Variants in FMO5 observed in about 807,000 individuals in gnomAD.
FMO5 encodes the protein flavin-containing monooxygenase 5.
In FMO5, 51 loss-of-function variants were observed where a neutral mutation model predicts 43.6. That is an observed-to-expected ratio of 1.17 (90% CI 0.93 to 1.48). The LOEUF (loss-of-function observed/expected upper bound fraction) is 1.48, where lower values mean the gene tolerates loss of function less well. Ranked by LOEUF, FMO5 falls within the 40% of genes most tolerant of loss-of-function variation. The pLI is 0.00. For missense variants in FMO5, 644 were observed against 643.0 expected, an observed-to-expected ratio of 1.00 and a Z score of -0.02; for synonymous variants, 187 against 216.5, an observed-to-expected ratio of 0.86 and a Z score of 1.20.
intron 6 of FMO5, among the ~76,000 whole-genome samples, chr1:147,208,126 T>C (rs782137609): frequency 4.6e-5 from 7 of 151,984 alleles, no homozygotes; most frequent in Non-Finnish European, 1.0e-4. Context: ...GCTTATCTTA[T>C]AGAAAGTCCT....
At chr1:147,185,135 A>G (rs903081807), downstream of FMO5, among the ~76,000 whole-genome samples, 3 of 149,856 alleles carry the variant, frequency 2.0e-5, no homozygotes, top group Non-Finnish European at 3.0e-5. Flanking sequence ...TCTTGTTCAC[A>G]TCTTTTAGCT....
At chr1:147,197,365 A>G (rs948370647) in intron 7 of FMO5, among the ~76,000 whole-genome samples, 9 of 152,260 alleles carry the variant, frequency 5.9e-5, no homozygotes, top group South Asian at 4.1e-4. Context: ...ATATAGTTAA[A>G]TATCTGCTGA....
At chr1:147,196,661 G>A (rs1658066801) in intron 7 of FMO5, among the ~76,000 whole-genome samples, 1 of 151,978 alleles carries the variant, frequency 6.6e-6, no homozygotes. Flanking sequence ...GTACAGTTAT[G>A]TCTTAATTCA....
chr1:147,222,979 A>G (rs1123333), intron 2 of FMO5, among the ~76,000 whole-genome samples: 67,600 of 152,026 alleles, frequency 0.44, 15,672 homozygotes, highest in East Asian at 0.69. Flanking sequence ...CCAACATGTA[A>G]CACTATGTTC....
At chr1:147,194,441 T>A (rs1266953861) in intron 7 of FMO5, among the ~76,000 whole-genome samples, 2 of 152,290 alleles carry the variant, frequency 1.3e-5, no homozygotes, top group African/African-American at 2.4e-5. Context: ...AGCACACTGT[T>A]GGGTCTTGAC....
chr1:147,207,684 G>A (rs1553922731), intron 6 of FMO5, among the ~76,000 whole-genome samples: 1 of 152,162 alleles, frequency 6.6e-6, no homozygotes, highest in African/African-American at 2.4e-5. Context: ...CTCCATCTTA[G>A]AAGTTAATCT....
At chr1:147,196,618 G>A (rs1407990992) in intron 7 of FMO5, among the ~76,000 whole-genome samples, 1 of 151,920 alleles carries the variant, frequency 6.6e-6, no homozygotes, top group Non-Finnish European at 1.5e-5. Flanking sequence ...ATTTTAAAAA[G>A]ATGTATACAT....
chr1:147,217,664 C>G (rs1662249105), intron 2 of FMO5, among the ~76,000 whole-genome samples: 1 of 152,214 alleles, frequency 6.6e-6, no homozygotes, highest in South Asian at 2.1e-4. Context: ...CTGCTAATAA[C>G]ATTTTCATAA....
intron 7 of FMO5, among the ~76,000 whole-genome samples, chr1:147,197,867 G>T (rs587723123): frequency 1.3e-5 from 2 of 152,144 alleles, no homozygotes; most frequent in Non-Finnish European, 2.9e-5. Flanking sequence ...CTAGCAGAAG[G>T]CCTGGTACAT....
intron 2 of FMO5, among the ~76,000 whole-genome samples, chr1:147,219,297 C>T (rs976268250): frequency 2.2e-4 from 34 of 152,054 alleles, no homozygotes; most frequent in African/African-American, 8.0e-4. Context: ...CCCTGTTAGA[C>T]ATGTCTCTTT....
intron 7 of FMO5, among the ~76,000 whole-genome samples, chr1:147,197,163 G>C (rs1658153118): frequency 6.6e-6 from 1 of 152,116 alleles, no homozygotes; most frequent in South Asian, 2.1e-4. Context: ...ACTACTTGCA[G>C]TTCCCAGAAC....
rs147898424 is a variant in FMO5 at position 147,199,515 on chromosome 1, A to G, written c.1183+1637T>C. On this transcript the variant is annotated intron_variant, in intron 7 of 8. Coordinates refer to ENST00000254090, the MANE Select transcript of FMO5 (RefSeq NM_001461.4). ...CCTAAGATCCCATAATCTCATAACCATAATGCAGACTCTTGCAAATACTCA... is the reference window on the plus strand; with the variant it reads ...CCTAAGATCCCATAATCTCATAACCGTAATGCAGACTCTTGCAAATACTCA... Among the ~76,000 whole-genome samples, 693 of 152,326 alleles carry G rather than the reference A, an allele frequency of 4.5e-3. 5 individuals are homozygous for G. The highest frequency in any genetic ancestry group is 0.016 in the African/African-American group (654 of 41,574).
intron 6 of FMO5, among the ~76,000 whole-genome samples, chr1:147,202,244 T>G (rs1429889833): frequency 6.6e-6 from 1 of 152,218 alleles, no homozygotes; most frequent in East Asian, 1.9e-4. Flanking sequence ...ATTGCTTATT[T>G]TTTTGCCATT....
chr1:147,205,001 C>T (rs1006369396), intron 6 of FMO5: 5 of 849,676 alleles, frequency 5.9e-6, no homozygotes, highest in Non-Finnish European at 9.9e-6. Flanking sequence ...GTTTTCATGC[C>T]TGATGAACCT....
intron 4 of FMO5, 34 bp from the exon 5 acceptor site, chr1:147,212,569 G>T: frequency 1.3e-6 from 2 of 1,587,408 alleles, no homozygotes; most frequent in African/African-American, 1.4e-5. Flanking sequence ...ATTGGGTAAT[G>T]GTTTACATGA....
chr1:147,192,420 A>G (rs1263011517), intron 7 of FMO5, among the ~76,000 whole-genome samples: 3 of 152,194 alleles, frequency 2.0e-5, no homozygotes, highest in East Asian at 1.9e-4. Flanking sequence ...GGCTGAGACA[A>G]TGGGGTTTTC....
At chr1:147,222,468 T>C (rs1050733831) in intron 2 of FMO5, among the ~76,000 whole-genome samples, 1 of 152,062 alleles carries the variant, frequency 6.6e-6, no homozygotes, top group African/African-American at 2.4e-5. Context: ...AAAATTTAAA[T>C]GGGAGGAATG....
Position 147,209,042 on chromosome 1 carries a change from T to G in FMO5, c.640A>C (p.Ser214Arg), listed in dbSNP as rs782373884. Residue 214 changes from serine (S) to arginine (R), a missense_variant, in exon 6 of 9, where the codon AGC (serine) becomes CGC (arginine). Physicochemically the swap from Ser to Arg is moderately radical, Grantham distance 110 (BLOSUM62 -1). Transcript: ENST00000254090. ...AGGATCCAAGCCCCTCTCCTGGTGC[T>G]GAGGAAAACCTGGGGCATGGAAGAA... ...ISQTAKQVFL[S>R]TRRGAWILNR... 6.2e-7 allele frequency: 1 copy of G among 1,613,568 alleles called. No homozygotes were observed. The highest frequency in any genetic ancestry group is 2.2e-5 in the East Asian group (1 of 44,864).
At chr1:147,185,023 T>C (rs1416853877), downstream of FMO5, among the ~76,000 whole-genome samples, 4 of 152,116 alleles carry the variant, frequency 2.6e-5, no homozygotes, top group Non-Finnish European at 4.4e-5. Context: ...AGGAAAATGA[T>C]AGAACATTTT....
Sources: gnomAD v4.1 joint callset for allele counts (sites outside exome capture counted in the v4.1 genomes callset) on GRCh38, gnomAD v4.1.1 for gene constraint, MANE v1.5 for transcripts, NCBI Gene and HGNC (gene_info 2026-07-23, HGNC 2026-07-21) for gene names.